The following DDX6 variants were observed in gnomAD, a reference collection of about 807,000 sequenced individuals.
DDX6 encodes probable ATP-dependent RNA helicase DDX6.
A neutral mutation model predicts 60.6 loss-of-function variants in DDX6; 7 were observed. That is an observed-to-expected ratio of 0.12 (90% confidence interval 0.07 to 0.22). The LOEUF is 0.22. Ranked by LOEUF, DDX6 falls within the 10% of genes least tolerant of loss-of-function variation. The probability of loss-of-function intolerance (pLI) is 1.00; values close to 1 mark genes in which losing one functional copy is unlikely to be tolerated. For missense variants in DDX6, 270 were observed against 589.9 expected, an observed-to-expected ratio of 0.46 and a Z score of 5.62; for synonymous variants, 207 against 201.0, an observed-to-expected ratio of 1.03 and a Z score of -0.25.
rs782294200 is a variant in DDX6 at position 118,758,807 on chromosome 11, T to C, written c.960A>G (p.Gln320=). ...TQYYAYVTER[Q]KVHCLNTLFS... Reference sequence around the variant, plus strand: ...AAAGTGTGTTGAGGCAGTGTACTTTTTGGCGCTCAGTTACATATGCGTAGT... The same window carrying C: ...AAAGTGTGTTGAGGCAGTGTACTTTCTGGCGCTCAGTTACATATGCGTAGT... The change falls in exon 9 of 14, where the codon CAA becomes CAG. Residue 320 remains glutamine (Q), a synonymous_variant. Coordinates refer to ENST00000534980, the MANE Select transcript of DDX6 (RefSeq NM_004397.6). 3.7e-6 allele frequency: 6 copies of C among 1,613,914 alleles called. No individual in the cohort carries two copies. The highest frequency in any genetic ancestry group is 5.1e-6 in the Non-Finnish European group (6 of 1,179,832).
At chr11:118,770,214 C>T (rs782575241) in intron 4 of DDX6, among the ~76,000 whole-genome samples, 8 of 151,642 alleles carry the variant, frequency 5.3e-5, no homozygotes, top group South Asian at 2.1e-4. Flanking sequence ...TTAGTAGAGA[C>T]GGGGTGTTTC....
Position 118,758,917 on chromosome 11 carries a change from G to A in DDX6, c.865-15C>T, listed in dbSNP as rs782612588. 1 of 1,611,930 alleles carries A rather than the reference G, an allele frequency of 6.2e-7. No homozygotes were observed. Among genetic ancestry groups the A allele is most frequent in the Non-Finnish European group, 8.5e-7 (1 of 1,179,116 alleles). Reference sequence around the variant, plus strand: ...AAATGGGAATTCTGGGGGGGGAGCGGGAAAAAGATGAGTCGTCGTCTTAAA... The same window carrying A: ...AAATGGGAATTCTGGGGGGGGAGCGAGAAAAAGATGAGTCGTCGTCTTAAA... On this transcript the variant is annotated splice_polypyrimidine_tract_variant and intron_variant, in intron 8 of 13. Transcript: ENST00000534980.
chr11:118,763,273 A>C lies in DDX6; in HGVS notation c.680T>G (p.Leu227Arg). The change falls in exon 7 of 14, where the codon CTG becomes CGG. Residue 227 changes from leucine (L) to arginine (R), a missense_variant. Transcript: ENST00000534980. ...TGCTACTCCTTTCTTAATAAGATCC[A>C]GGATTCTCCCAGGGGTAGCAATCAC... ...HVVIATPGRI[L>R]DLIKKGVAKV... 1 of 1,613,120 alleles carries C rather than the reference A, an allele frequency of 6.2e-7. No homozygotes were observed. The highest frequency in any genetic ancestry group is 8.5e-7 in the Non-Finnish European group (1 of 1,179,610).
chr11:118,752,588 C>T (rs144697235), intron 13 of DDX6, among the ~76,000 whole-genome samples: 83 of 152,078 alleles, frequency 5.5e-4, no homozygotes, highest in African/African-American at 1.9e-3. Flanking sequence ...GCCTGGCCAA[C>T]ATGGTAAATC....
At chr11:118,781,015 G>A in intron 3 of DDX6, 106 bp downstream of exon 3, 1 of 689,900 alleles carries the variant, frequency 1.4e-6, no homozygotes, top group Non-Finnish European at 2.6e-6. Context: ...GAGGGTGGCA[G>A]TGGTGTTATG....
At chr11:118,783,291 C>CT (rs1861963515) in intron 2 of DDX6, among the ~76,000 whole-genome samples, 1 of 151,952 alleles carries the variant, frequency 6.6e-6, no homozygotes, top group Non-Finnish European at 1.5e-5. Flanking sequence ...TTTTTTATTT[C>CT]TTTGAGATGG....
chr11:118,771,804 C>A (rs1861544281), intron 4 of DDX6, among the ~76,000 whole-genome samples: 1 of 152,178 alleles, frequency 6.6e-6, no homozygotes, highest in African/African-American at 2.4e-5. Context: ...AACATGTAGG[C>A]AAGAAGTTGG....
intron 4 of DDX6, among the ~76,000 whole-genome samples, chr11:118,771,872 C>T (rs1442196075): frequency 6.6e-6 from 1 of 152,202 alleles, no homozygotes; most frequent in African/African-American, 2.4e-5. Context: ...TGGAAACCAG[C>T]CTTGCAGTTC....
At chr11:118,788,721 ACT>A (rs1436559720) in intron 1 of DDX6, 1 of 150,290 alleles carries the variant, frequency 6.7e-6, no homozygotes, top group Non-Finnish European at 1.5e-5. Flanking sequence ...ACAGAGTCTC[ACT>A]CTGTTGCCCA....
chr11:118,755,714 T>C (rs973718078), intron 11 of DDX6, among the ~76,000 whole-genome samples: 1 of 152,070 alleles, frequency 6.6e-6, no homozygotes, highest in Non-Finnish European at 1.5e-5. Flanking sequence ...GTAAGCAAGT[T>C]TTAAAAAATG....
chr11:118,771,201 T>G (rs1398326065), intron 4 of DDX6, among the ~76,000 whole-genome samples: 1 of 152,236 alleles, frequency 6.6e-6, no homozygotes, highest in Admixed American at 6.5e-5. Context: ...TGGTCTCTGA[T>G]GGTCTCATAA....
At chr11:118,764,076 G>A (rs1328881158) in intron 6 of DDX6, among the ~76,000 whole-genome samples, 2 of 152,010 alleles carry the variant, frequency 1.3e-5, no homozygotes, top group Non-Finnish European at 2.9e-5. Context: ...ATAGCAGAAG[G>A]CACACCAGAC....
chr11:118,757,361 G>A (rs573305060), intron 9 of DDX6, 74 bp from the exon 10 acceptor site: 41 of 710,980 alleles, frequency 5.8e-5, no homozygotes, highest in Middle Eastern at 5.1e-4. Flanking sequence ...TTGAAAACAC[G>A]AACCAGCAAA....
chr11:118,773,862 C>T (rs1436892374), intron 4 of DDX6, among the ~76,000 whole-genome samples: 16 of 143,294 alleles, frequency 1.1e-4, no homozygotes, highest in Admixed American at 5.6e-4. Flanking sequence ...AAAACACACA[C>T]CAAAAAAAAA....
At chr11:118,761,156 T>C (rs1341778513) in intron 7 of DDX6, among the ~76,000 whole-genome samples, 2 of 151,662 alleles carry the variant, frequency 1.3e-5, no homozygotes, top group East Asian at 3.9e-4. Context: ...AAAGTACAGG[T>C]TCTGGAGCTA....
chr11:118,785,244 C>T (rs767864101), intron 2 of DDX6, among the ~76,000 whole-genome samples: 3 of 152,112 alleles, frequency 2.0e-5, no homozygotes, highest in African/African-American at 7.2e-5. Context: ...GAAAAAATAT[C>T]CTCTAGTAAG....
chr11:118,779,753 G>A lies in DDX6; in HGVS notation c.265-17C>T. On this transcript the variant is annotated splice_polypyrimidine_tract_variant and intron_variant, in intron 3 of 13. Transcript: ENST00000534980. ...GGTCACATCCTAGTCAAACAAAAAG[G>A]AACAATAAAAGAATAAATAACACTG... The A allele has an allele frequency of 1.3e-6, 2 of 1,544,840 alleles. No homozygotes were observed. The highest frequency in any genetic ancestry group is 1.2e-5 in the South Asian group (1 of 85,034).
intron 11 of DDX6, among the ~76,000 whole-genome samples, chr11:118,755,707 A>C (rs1275590151): frequency 6.6e-6 from 1 of 152,058 alleles, no homozygotes; most frequent in East Asian, 1.9e-4. Context: ...AGTAATTGTA[A>C]GCAAGTTTTA....
chr11:118,762,312 C>A (rs6589692), intron 7 of DDX6, among the ~76,000 whole-genome samples: 150,879 of 150,880 alleles, frequency 1, 75,439 homozygotes, highest in Non-Finnish European at 1. Flanking sequence ...TAAACCTCAA[C>A]CCAAATGTGA....
Sources: gnomAD v4.1 joint callset for allele counts (sites outside exome capture counted in the v4.1 genomes callset) on GRCh38, gnomAD v4.1.1 for gene constraint, MANE v1.5 for transcripts, NCBI Gene and HGNC (gene_info 2026-07-23, HGNC 2026-07-21) for gene names.